Variants in FBXL7 observed in about 807,000 individuals in gnomAD.
FBXL7 encodes the protein F-box and leucine rich repeat protein 7.
A neutral mutation model predicts 38.3 loss-of-function variants in FBXL7; 12 were observed. The ratio of observed to expected loss-of-function variants is 0.31; its 90% CI spans 0.20 to 0.51. The LOEUF (loss-of-function observed/expected upper bound fraction) is 0.51, where lower values mean the gene tolerates loss of function less well. Ranked by LOEUF, FBXL7 falls within the 20% of genes least tolerant of loss-of-function variation. FBXL7 has a pLI of 0.98. For missense variants in FBXL7, 567 were observed against 676.4 expected (o/e 0.84, Z 1.79); for synonymous variants, 297 against 300.9 (o/e 0.99, Z 0.13).
rs1456878219 is a variant in FBXL7, at chr5:15,619,733, G to A, written c.127+3661G>A. 2.6e-5 allele frequency among the ~76,000 whole-genome samples: 4 copies of A among 152,150 alleles called. No individual in the cohort carries two copies. In the East Asian group the frequency reaches 7.7e-4, roughly 29 times the overall value. On this transcript the variant is annotated intron_variant, in intron 2 of 3. Coordinates refer to ENST00000504595, the MANE Select transcript of FBXL7 (RefSeq NM_012304.5). Reference sequence around the variant, plus strand: ...TGTAAAGGATAATATTCAGTTTTCCGGCAGTCTTTGAAAACCATGGCTATA... The same window carrying A: ...TGTAAAGGATAATATTCAGTTTTCCAGCAGTCTTTGAAAACCATGGCTATA...
rs182075025 is a variant in FBXL7 at position 15,629,238 on chromosome 5, G to A, written c.127+13166G>A. Among the ~76,000 whole-genome samples, 4 of 152,134 alleles carry A rather than the reference G, an allele frequency of 2.6e-5. No homozygotes were observed. The East Asian group carries it at 7.7e-4, about 29-fold the overall frequency. On this transcript the variant is annotated intron_variant, in intron 2 of 3. Coordinates refer to ENST00000504595, the MANE Select transcript of FBXL7 (RefSeq NM_012304.5). ...TTTAGTGAGCTATGATTGCACCACCGCACTTCAGCCTGGGAAACAGACTCA... is the reference window on the plus strand; with the variant it reads ...TTTAGTGAGCTATGATTGCACCACCACACTTCAGCCTGGGAAACAGACTCA...
chr5:15,860,001 C>T (rs944487563), intron 2 of FBXL7, among the ~76,000 whole-genome samples: 2 of 152,144 alleles, frequency 1.3e-5, no homozygotes, highest in Admixed American at 1.3e-4. Flanking sequence ...GAAACACAAT[C>T]AGAAAATGCA....
intron 3 of FBXL7, among the ~76,000 whole-genome samples, chr5:15,931,938 C>G (rs1184018909): frequency 1.3e-5 from 2 of 152,206 alleles, no homozygotes; most frequent in East Asian, 3.8e-4. Context: ...TTCTGGGTGT[C>G]TGCCTTTTGG....
At chr5:15,601,429 G>A (rs1739786810) in intron 1 of FBXL7, among the ~76,000 whole-genome samples, 1 of 152,188 alleles carries the variant, frequency 6.6e-6, no homozygotes. Flanking sequence ...AAACCCAGCT[G>A]TGAAGCACCA....
chr5:15,871,679 G>C (rs1739971292), intron 2 of FBXL7, among the ~76,000 whole-genome samples: 1 of 152,086 alleles, frequency 6.6e-6, no homozygotes, highest in Non-Finnish European at 1.5e-5. Context: ...TAGCTGAATT[G>C]ATCAAGTGGA....
Position 15,824,804 on chromosome 5 carries a change from C to T in FBXL7, c.128-103086C>T, listed in dbSNP as rs139315415. On this transcript the variant is annotated intron_variant, in intron 2 of 3. Transcript: ENST00000504595. Reference sequence around the variant, plus strand: ...GATCTAGCAGAAGAGTTTCAGGGTCCTCTCAGTAGTTTTTGAAAGCTGTTT... The same window carrying T: ...GATCTAGCAGAAGAGTTTCAGGGTCTTCTCAGTAGTTTTTGAAAGCTGTTT... 4.8e-3 allele frequency among the ~76,000 whole-genome samples: 734 copies of T among 152,222 alleles called. 3 individuals are homozygous for T. The highest frequency in any genetic ancestry group is 7.9e-3 in the Non-Finnish European group (538 of 68,024).
At chr5:15,753,878 A>G (rs1270690249) in intron 2 of FBXL7, among the ~76,000 whole-genome samples, 1 of 152,226 alleles carries the variant, frequency 6.6e-6, no homozygotes, top group Non-Finnish European at 1.5e-5. Flanking sequence ...ATTCTGGAAC[A>G]TGGAAAGTCC....
At chr5:15,771,808 T>C (rs911293298) in intron 2 of FBXL7, among the ~76,000 whole-genome samples, 3 of 144,798 alleles carry the variant, frequency 2.1e-5, no homozygotes, top group Non-Finnish European at 3.0e-5. Context: ...AGAGTTTCGC[T>C]CTTATTGCTC....
chr5:15,815,243 A>G (rs1737983553), intron 2 of FBXL7, among the ~76,000 whole-genome samples: 1 of 152,166 alleles, frequency 6.6e-6, no homozygotes, highest in Non-Finnish European at 1.5e-5. Context: ...ATTGAAAGGA[A>G]TGAAGGAAGG....
At chr5:15,873,965 A>C (rs1468282895) in intron 2 of FBXL7, among the ~76,000 whole-genome samples, 8 of 152,176 alleles carry the variant, frequency 5.3e-5, no homozygotes, top group Admixed American at 5.2e-4. Flanking sequence ...GACACACACA[A>C]AAAAAGAAAA....
At chr5:15,893,229 A>G (rs894546393) in intron 2 of FBXL7, among the ~76,000 whole-genome samples, 2 of 152,128 alleles carry the variant, frequency 1.3e-5, no homozygotes, top group Non-Finnish European at 2.9e-5. Flanking sequence ...AGTCTCTCCC[A>G]CTAACCATCA....
chr5:15,727,596 G>C (rs1472114849), intron 2 of FBXL7, among the ~76,000 whole-genome samples: 2 of 152,138 alleles, frequency 1.3e-5, no homozygotes, highest in African/African-American at 4.8e-5. Context: ...CATCTTTAGG[G>C]AATCCCATGT....
chr5:15,723,097 T>C (rs1039469208), intron 2 of FBXL7, among the ~76,000 whole-genome samples: 1 of 152,186 alleles, frequency 6.6e-6, no homozygotes, highest in Non-Finnish European at 1.5e-5. Context: ...TGTATGTAAC[T>C]GATTATCACA....
In FBXL7 at chr5:15,692,188, A is replaced by G. The variant is rs563589680; in HGVS notation, c.127+76116A>G. 1.6e-4 allele frequency among the ~76,000 whole-genome samples: 25 copies of G among 152,250 alleles called. 1 individual carries two copies. Among genetic ancestry groups the G allele is most frequent in the Middle Eastern group, 3.4e-3 (1 of 294 alleles). On this transcript the variant is annotated intron_variant, in intron 2 of 3. Coordinates refer to ENST00000504595, the MANE Select transcript of FBXL7 (RefSeq NM_012304.5). Reference sequence around the variant, plus strand: ...ATCCTACCAGCTGTTGAATCCCTCTATGCCTCAGTTTCCTGCTCTGTAAAA... The same window carrying G: ...ATCCTACCAGCTGTTGAATCCCTCTGTGCCTCAGTTTCCTGCTCTGTAAAA...
intron 2 of FBXL7, among the ~76,000 whole-genome samples, chr5:15,824,509 C>A (rs1738258774): frequency 6.6e-6 from 1 of 151,610 alleles, no homozygotes; most frequent in African/African-American, 2.4e-5. Flanking sequence ...TGCTAAAGTG[C>A]CTTTCTCAAG....
At chr5:15,852,707 T>C (rs1412856496) in intron 2 of FBXL7, among the ~76,000 whole-genome samples, 1 of 152,126 alleles carries the variant, frequency 6.6e-6, no homozygotes, top group African/African-American at 2.4e-5. Flanking sequence ...CATGGCCATA[T>C]ATGCCTACAT....
At chr5:15,892,921 T>G (rs1161490169) in intron 2 of FBXL7, among the ~76,000 whole-genome samples, 2 of 151,952 alleles carry the variant, frequency 1.3e-5, no homozygotes, top group Non-Finnish European at 1.5e-5. Flanking sequence ...ATCGAGACCA[T>G]CCTGGCTAAC....
chr5:15,777,775 T>A (rs1224250571), intron 2 of FBXL7, among the ~76,000 whole-genome samples: 2 of 145,278 alleles, frequency 1.4e-5, no homozygotes, highest in Admixed American at 1.4e-4. Context: ...GTTGAATAAC[T>A]TTTTTCTTAG....
intron 2 of FBXL7, among the ~76,000 whole-genome samples, chr5:15,625,924 A>G (rs1320681068): frequency 1.3e-5 from 2 of 152,228 alleles, no homozygotes; most frequent in Non-Finnish European, 2.9e-5. Flanking sequence ...ATGATGCTGA[A>G]GAAATCTCTT....
Sources: gnomAD v4.1 joint callset for allele counts (sites outside exome capture counted in the v4.1 genomes callset) on GRCh38, gnomAD v4.1.1 for gene constraint, MANE v1.5 for transcripts, NCBI Gene and HGNC (gene_info 2026-07-23, HGNC 2026-07-21) for gene names.